The following DNAJC1 variants were observed in gnomAD, a reference collection of about 807,000 sequenced individuals.
The protein encoded by DNAJC1 is dnaJ homolog subfamily C member 1.
DNAJC1 carries 58 observed loss-of-function variants against 76.6 expected under a neutral mutation model. The observed-to-expected ratio is 0.76, with a 90% CI of 0.61 to 0.94. DNAJC1 has a LOEUF of 0.94. Among genes scored for constraint, DNAJC1 ranks in the 40% least tolerant of loss-of-function variants. DNAJC1 has a pLI of 0.00. For missense variants in DNAJC1, 689 were observed against 677.3 expected (o/e 1.02, Z -0.19); for synonymous variants, 258 against 267.9 (o/e 0.96, Z 0.36).
chr10:21,891,857 T>C (rs1202094114), intron 7 of DNAJC1, among the ~76,000 whole-genome samples: 1 of 152,016 alleles, frequency 6.6e-6, no homozygotes, highest in South Asian at 2.1e-4. Flanking sequence ...AGAAAATATA[T>C]TGGACAACAA....
chr10:21,993,006 T>C (rs1590084025), intron 1 of DNAJC1, among the ~76,000 whole-genome samples: 1 of 152,344 alleles, frequency 6.6e-6, no homozygotes, highest in East Asian at 1.9e-4. Context: ...ACTTTAACAA[T>C]ACTTTTGTTT....
At chr10:21,849,321 T>TAAAAAAAAAAAA (rs1283566162) in intron 8 of DNAJC1, among the ~76,000 whole-genome samples, 1 of 63,354 alleles carries the variant, frequency 1.6e-5, no homozygotes. Context: ...AAAAAAAAAG[T>TAAAAAAAAAAAA]AAATGCCTAC....
chr10:21,859,249 G>A (rs1378463917), intron 8 of DNAJC1, among the ~76,000 whole-genome samples: 1 of 152,066 alleles, frequency 6.6e-6, no homozygotes, highest in Admixed American at 6.6e-5. Flanking sequence ...AATGCCGATT[G>A]AGCCATGAAA....
chr10:21,840,769 G>T (rs1835562105), intron 8 of DNAJC1, among the ~76,000 whole-genome samples: 1 of 152,038 alleles, frequency 6.6e-6, no homozygotes, highest in Admixed American at 6.5e-5. Context: ...AGTTCGTATG[G>T]AACCAAAAAA....
rs1455264432 is a variant in DNAJC1, at chr10:21,807,436, A to G, written c.979-1337T>C. On this transcript the variant is annotated intron_variant, in intron 8 of 11. Transcript: ENST00000376980. ...TCCTGACTTTTTACTGTCTCCCCCAATCAATGGTTCAAGCGTGCTCTTTTC... is the reference window on the plus strand; with the variant it reads ...TCCTGACTTTTTACTGTCTCCCCCAGTCAATGGTTCAAGCGTGCTCTTTTC... Among the ~76,000 whole-genome samples the G allele has an allele frequency of 3.3e-5, 5 of 152,168 alleles. No homozygotes were observed. The East Asian group carries it at 7.7e-4, about 23-fold the overall frequency.
intron 1 of DNAJC1, among the ~76,000 whole-genome samples, chr10:21,944,455 G>C (rs1477498254): frequency 2.0e-5 from 3 of 152,132 alleles, no homozygotes; most frequent in Admixed American, 6.5e-5. Flanking sequence ...CTGGAAGACA[G>C]ACCAATTCTT....
chr10:21,839,138 A>G (rs928739729), intron 8 of DNAJC1, among the ~76,000 whole-genome samples: 1 of 152,238 alleles, frequency 6.6e-6, no homozygotes, highest in Admixed American at 6.5e-5. Context: ...AATGTCCACA[A>G]GAGAAAGCAG....
chr10:21,954,453 C>T (rs1837648733), intron 1 of DNAJC1, among the ~76,000 whole-genome samples: 2 of 151,958 alleles, frequency 1.3e-5, no homozygotes, highest in South Asian at 4.2e-4. Context: ...GAGAAAAGGC[C>T]AATGAAATAA....
intron 8 of DNAJC1, among the ~76,000 whole-genome samples, chr10:21,825,565 C>T (rs1835234107): frequency 6.6e-6 from 1 of 152,152 alleles, no homozygotes; most frequent in African/African-American, 2.4e-5. Context: ...ATTGCTGGGT[C>T]ATATGGTAAC....
chr10:21,891,650 G>A (rs1836465375), intron 7 of DNAJC1, among the ~76,000 whole-genome samples: 1 of 152,114 alleles, frequency 6.6e-6, no homozygotes, highest in Non-Finnish European at 1.5e-5. Context: ...CCAGAAGGAA[G>A]TGGCACAGCA....
intron 8 of DNAJC1, among the ~76,000 whole-genome samples, chr10:21,860,141 A>C (rs1174244022): frequency 2.7e-5 from 4 of 148,798 alleles, no homozygotes. Flanking sequence ...ATTTATCTTC[A>C]CTTTGGTTTA....
At chr10:21,829,220 T>C (rs1835314425) in intron 8 of DNAJC1, among the ~76,000 whole-genome samples, 1 of 151,328 alleles carries the variant, frequency 6.6e-6, no homozygotes, top group South Asian at 2.1e-4. Context: ...TGTTCGTTTT[T>C]GTTTTTTTTT....
chr10:21,813,092 C>CATATATATATATATAT (rs1321366910), intron 8 of DNAJC1, among the ~76,000 whole-genome samples: 4 of 72,242 alleles, frequency 5.5e-5, no homozygotes, highest in African/African-American at 2.1e-4. Flanking sequence ...TATATACACA[C>CATATATATATATATAT]ACACATATAT....
chr10:21,969,008 G>T (rs548956468), intron 1 of DNAJC1, among the ~76,000 whole-genome samples: 2 of 152,170 alleles, frequency 1.3e-5, no homozygotes, highest in East Asian at 1.9e-4. Context: ...CGGATCACTT[G>T]AGGTCAGGAA....
chr10:21,860,471 T>A (rs960837445), intron 8 of DNAJC1, among the ~76,000 whole-genome samples: 1 of 151,938 alleles, frequency 6.6e-6, no homozygotes. Flanking sequence ...AGCAGGCAGA[T>A]CGTGAGGTCA....
At chr10:21,987,943 A>T (rs1296435607) in intron 1 of DNAJC1, among the ~76,000 whole-genome samples, 1 of 151,970 alleles carries the variant, frequency 6.6e-6, no homozygotes, top group African/African-American at 2.4e-5. Flanking sequence ...TCTGAATACA[A>T]CTTGATATTT....
intron 1 of DNAJC1, among the ~76,000 whole-genome samples, chr10:21,950,624 C>G (rs574660570): frequency 6.6e-6 from 1 of 152,188 alleles, no homozygotes; most frequent in Non-Finnish European, 1.5e-5. Flanking sequence ...AAAGCCAGGA[C>G]AGGCCAACAG....
chr10:21,821,648 T>C (rs1316851646), intron 8 of DNAJC1, among the ~76,000 whole-genome samples: 3 of 152,166 alleles, frequency 2.0e-5, no homozygotes, highest in Non-Finnish European at 4.4e-5. Context: ...ACAATAATTA[T>C]ATATTTCTCC....
chr10:21,854,830 CTG>C (rs1225709326), intron 8 of DNAJC1, among the ~76,000 whole-genome samples: 9 of 152,224 alleles, frequency 5.9e-5, no homozygotes, highest in Non-Finnish European at 8.8e-5. Flanking sequence ...TGATTGTAAA[CTG>C]TTTTTATTGT....
Sources: allele counts gnomAD v4.1 joint callset (sites outside exome capture counted in the v4.1 genomes callset), GRCh38; gene constraint gnomAD v4.1.1; transcripts MANE v1.5; gene names NCBI Gene and HGNC (gene_info 2026-07-23, HGNC 2026-07-21).